The following PALMD variants were observed in gnomAD, a reference collection of about 807,000 sequenced individuals.
PALMD encodes palmdelphin.
A neutral mutation model predicts 56.2 loss-of-function variants in PALMD; 42 were observed. The observed-to-expected ratio is 0.75, with a 90% CI of 0.58 to 0.97. PALMD has a LOEUF of 0.97. PALMD is among the 50% of genes least tolerant of loss of function. PALMD has a pLI of 0.00. For missense variants in PALMD, 660 were observed against 643.8 expected, an observed-to-expected ratio of 1.03 and a Z score of -0.27; for synonymous variants, 242 against 222.9, an observed-to-expected ratio of 1.09 and a Z score of -0.76.
intron 3 of PALMD, among the ~76,000 whole-genome samples, chr1:99,676,393 T>C (rs754713828): frequency 2.6e-5 from 4 of 152,200 alleles, no homozygotes; most frequent in Admixed American, 6.5e-5. Context: ...ATACGCACTT[T>C]TTAAAAATTT....
At chr1:99,684,362 A>G (rs6698880) in intron 3 of PALMD, 12,327 of 152,272 alleles carry the variant, frequency 0.081, 1,080 homozygotes, top group African/African-American at 0.22. Flanking sequence ...AAAGGTTGCC[A>G]GCCCCTGTAT....
In PALMD at chr1:99,683,003, CTCCAAAAAGAAAGAAGGAAAGAAA is replaced by C. The variant is rs561060001; in HGVS notation, c.252-3672_252-3649del. ...CCTGGGTGACAGAGCAAGACTCTGT[CTCCAAAAAGAAAGAAGGAAAGAAA>C]GAAAGAAAGAAAGAAAGAAAGAAAG... On this transcript the variant is annotated intron_variant, in intron 3 of 7. Transcript: ENST00000263174. Among the ~76,000 whole-genome samples, 265 of 131,160 alleles carry C rather than the reference CTCCAAAAAGAAAGAAGGAAAGAAA, an allele frequency of 2.0e-3. 11 individuals carry two copies. The highest frequency in any genetic ancestry group is 8.1e-3 in the African/African-American group (250 of 31,016). The allele number at this position is 131,160 out of a possible 152,430, so 86.0% of individuals were successfully genotyped here. A position where few individuals can be genotyped will look rare whatever the true frequency, so the allele number is the denominator to read the frequency against.
Position 99,689,596 on chromosome 1 carries a change from G to A in PALMD, c.1336G>A (p.Val446Met). The A allele has an allele frequency of 6.2e-7, 1 of 1,613,894 alleles. No homozygotes were observed. Among genetic ancestry groups the A allele is most frequent in the Non-Finnish European group, 8.5e-7 (1 of 1,179,886 alleles). ...YDGIIHAELV[V>M]IDDEEEEDEG... Reference sequence around the variant, plus strand: ...TGGGATCATCCATGCTGAGCTGGTTGTGATTGATGATGAGGAGGAGGAGGA... The same window carrying A: ...TGGGATCATCCATGCTGAGCTGGTTATGATTGATGATGAGGAGGAGGAGGA... The change falls in exon 7 of 8, where the codon GTG (valine) becomes ATG (methionine). Residue 446 changes from valine (V) to methionine (M), a missense_variant. Val to Met is a conservative substitution (Grantham distance 21). Coordinates refer to ENST00000263174, the MANE Select transcript of PALMD (RefSeq NM_017734.5).
rs184699541 is a variant in PALMD at position 99,678,266 on chromosome 1, A to C, written c.252-8410A>C. Reference sequence around the variant, plus strand: ...TATATAGGTGCGTGCCACCATGCCCAGCTAATTTTTGTATTTTTAGTAGAG... The same window carrying C: ...TATATAGGTGCGTGCCACCATGCCCCGCTAATTTTTGTATTTTTAGTAGAG... On this transcript the variant is annotated intron_variant, in intron 3 of 7. Transcript: ENST00000263174. Among the ~76,000 whole-genome samples, 856 of 152,042 alleles carry C rather than the reference A, an allele frequency of 5.6e-3. 4 individuals are homozygous for C. The highest frequency in any genetic ancestry group is 0.02 in the African/African-American group (818 of 41,444).
chr1:99,651,149 C>G (rs1189233398), intron 1 of PALMD, among the ~76,000 whole-genome samples: 1 of 150,852 alleles, frequency 6.6e-6, no homozygotes, highest in African/African-American at 2.4e-5. Flanking sequence ...AATGAAACCT[C>G]AGCACAATTT....
In PALMD at chr1:99,658,347, A is replaced by G. The variant is rs182234025; in HGVS notation, c.46-3972A>G. On this transcript the variant is annotated intron_variant, in intron 1 of 7. Coordinates refer to ENST00000263174, the MANE Select transcript of PALMD (RefSeq NM_017734.5). ...AAAAGAAAAACTATTACATGTAATAACTTTATTTCTCAGACTATAGTTACT... is the reference window on the plus strand; with the variant it reads ...AAAAGAAAAACTATTACATGTAATAGCTTTATTTCTCAGACTATAGTTACT... Among the ~76,000 whole-genome samples the G allele has an allele frequency of 4.0e-5, 6 of 151,806 alleles. No homozygotes were observed. In the East Asian group the frequency reaches 1.2e-3, roughly 29 times the overall value.
chr1:99,667,799 C>G (rs766524125), intron 3 of PALMD, 33 bp downstream of exon 3: 1 of 1,596,274 alleles, frequency 6.3e-7, no homozygotes, highest in Non-Finnish European at 8.6e-7. Context: ...CCACAACTAC[C>G]TTTATTTTGA....
chr1:99,682,372 G>A (rs997983666), intron 3 of PALMD, among the ~76,000 whole-genome samples: 1 of 152,116 alleles, frequency 6.6e-6, no homozygotes, highest in Non-Finnish European at 1.5e-5. Context: ...GAATGGGAGG[G>A]AGGTGTTTGT....
chr1:99,657,502 AG>A (rs1454169171), intron 1 of PALMD, among the ~76,000 whole-genome samples: 1 of 152,066 alleles, frequency 6.6e-6, no homozygotes, highest in African/African-American at 2.4e-5. Context: ...CTTATGTATG[AG>A]TTGTGCAGTG....
At chr1:99,665,454 T>C (rs1468952036) in intron 2 of PALMD, among the ~76,000 whole-genome samples, 1 of 152,170 alleles carries the variant, frequency 6.6e-6, no homozygotes, top group Non-Finnish European at 1.5e-5. Flanking sequence ...AAATTGCATA[T>C]TTTATATTTA....
At chr1:99,648,075 T>A (rs1449037597) in intron 1 of PALMD, among the ~76,000 whole-genome samples, 2 of 152,118 alleles carry the variant, frequency 1.3e-5, no homozygotes, top group African/African-American at 4.8e-5. Flanking sequence ...ATTAAAAAAA[T>A]TTTTGGATTA....
rs1343613185 is a variant in PALMD at position 99,689,252 on chromosome 1, C to T, written c.992C>T (p.Ser331Leu). Residue 331 changes from serine to leucine, a missense_variant, in exon 7 of 8, where the codon TCA becomes TTA. Transcript: ENST00000263174. The part of the protein sequence containing the change: ...SPIPPVPHPR[S>L]VIQQAEEKLH... ...ATTCCGCCAGTGCCTCATCCCCGAT[C>T]AGTGATTCAACAAGCAGAAGAGAAG... The T allele has an allele frequency of 6.2e-7, 1 of 1,613,436 alleles. No individual in the cohort carries two copies. Among genetic ancestry groups the T allele is most frequent in the African/African-American group, 1.3e-5 (1 of 74,814 alleles).
chr1:99,674,704 T>G (rs1018059151), intron 3 of PALMD, among the ~76,000 whole-genome samples: 4 of 152,196 alleles, frequency 2.6e-5, no homozygotes, highest in African/African-American at 9.7e-5. Flanking sequence ...TTCAGTGCCT[T>G]GAAATACAAA....
chr1:99,673,290 C>A (rs1653125486), intron 3 of PALMD, among the ~76,000 whole-genome samples: 1 of 151,938 alleles, frequency 6.6e-6, no homozygotes, highest in South Asian at 2.1e-4. Flanking sequence ...CAAGTTTAAC[C>A]CCTACTTAAT....
intron 2 of PALMD, among the ~76,000 whole-genome samples, chr1:99,663,792 GTT>G (rs1024239220): frequency 6.6e-6 from 1 of 152,156 alleles, no homozygotes; most frequent in African/African-American, 2.4e-5. Flanking sequence ...CTAGAAGTAA[GTT>G]TCGCATGAGA....
intron 3 of PALMD, among the ~76,000 whole-genome samples, chr1:99,679,604 C>T (rs755631362): frequency 6.6e-6 from 1 of 152,190 alleles, no homozygotes; most frequent in East Asian, 1.9e-4. Context: ...TTTACACACT[C>T]GTGGGCCCCA....
intron 3 of PALMD, among the ~76,000 whole-genome samples, chr1:99,671,005 T>C (rs778301390): frequency 1.5e-4 from 23 of 152,224 alleles, no homozygotes; most frequent in Non-Finnish European, 2.2e-4. Flanking sequence ...GCTAAATCAG[T>C]ACAATTTCCT....
Position 99,662,286 on chromosome 1 carries a change from A to G in PALMD, c.46-33A>G, listed in dbSNP as rs200851917. The G allele has an allele frequency of 4.0e-4, 468 of 1,163,102 alleles. 1 individual carries two copies. The highest frequency in any genetic ancestry group is 5.5e-4 in the Non-Finnish European group (433 of 784,934). 72.0% of individuals were successfully genotyped at this position (1,163,102 alleles called of 1,614,324 possible). On this transcript the variant is annotated intron_variant, in intron 1 of 7. Transcript: ENST00000263174. ...AGGAAACATAATTAAGCAAATTTTA[A>G]AAATAAAATATACTGGAACTTTTTT...
Position 99,689,226 on chromosome 1 carries a change from C to T in PALMD, c.966C>T (p.Pro322=). The change falls in exon 7 of 8, where the codon CCC becomes CCT. Residue 322 remains proline (P), a synonymous_variant. Coordinates refer to ENST00000263174, the MANE Select transcript of PALMD (RefSeq NM_017734.5). ...ERGNNFNHIS[P]IPPVPHPRSV... ...GAAACAACTTCAATCACATCAGTCC[C>T]ATTCCGCCAGTGCCTCATCCCCGAT... The T allele has an allele frequency of 2.5e-6, 4 of 1,613,580 alleles. No homozygotes were observed. The highest frequency in any genetic ancestry group is 3.4e-6 in the Non-Finnish European group (4 of 1,179,810).
Sources: allele counts gnomAD v4.1 joint callset (sites outside exome capture counted in the v4.1 genomes callset), GRCh38; gene constraint gnomAD v4.1.1; transcripts MANE v1.5; gene names NCBI Gene and HGNC (gene_info 2026-07-23, HGNC 2026-07-21).